Variants in LRP1B observed in about 807,000 individuals in gnomAD.
The protein encoded by LRP1B is LDL receptor related protein 1B.
Under a neutral mutation model 556.6 loss-of-function variants are expected in LRP1B, and 217 were observed. The observed-to-expected ratio is 0.39, with a 90% CI of 0.35 to 0.44. The LOEUF (loss-of-function observed/expected upper bound fraction) is 0.44, where lower values mean the gene tolerates loss of function less well. LRP1B is among the 20% of genes least tolerant of loss of function. LRP1B has a pLI of 1.00. For missense variants in LRP1B, 5,053 were observed against 5,620.8 expected (o/e 0.90, Z 3.23); for synonymous variants, 2,047 against 1,865.8 (o/e 1.10, Z -2.50).
chr2:140,694,400 G>T (rs551278345), intron 41 of LRP1B, among the ~76,000 whole-genome samples: 1 of 152,240 alleles, frequency 6.6e-6, no homozygotes, highest in South Asian at 2.1e-4. Context: ...GTAGTCTGAA[G>T]ATTTTACTCT....
chr2:141,639,835 C>T (rs759363883), intron 2 of LRP1B, among the ~76,000 whole-genome samples: 18 of 152,120 alleles, frequency 1.2e-4, no homozygotes, highest in Middle Eastern at 3.4e-3. Flanking sequence ...ATGTGTTTTA[C>T]GATATTTCTG....
intron 43 of LRP1B, among the ~76,000 whole-genome samples, chr2:140,563,884 T>A (rs971137574): frequency 2.0e-5 from 3 of 152,174 alleles, no homozygotes; most frequent in Admixed American, 1.3e-4. Context: ...TGGATTGAAG[T>A]AGATGGACAG....
chr2:140,399,176 C>CACACACACACACACACA (rs377687105), intron 66 of LRP1B, among the ~76,000 whole-genome samples: 34 of 151,828 alleles, frequency 2.2e-4, no homozygotes, highest in African/African-American at 8.0e-4. Context: ...CACACACACA[C>CACACACACACACACACA]ACACACACAC....
intron 6 of LRP1B, among the ~76,000 whole-genome samples, chr2:141,193,205 C>A (rs1234407156): frequency 6.6e-6 from 1 of 151,968 alleles, no homozygotes; most frequent in Non-Finnish European, 1.5e-5. Flanking sequence ...GCAGAACTAC[C>A]ATTTAACCCA....
chr2:142,012,547 G>T (rs899039573), intron 1 of LRP1B, among the ~76,000 whole-genome samples: 2 of 151,980 alleles, frequency 1.3e-5, no homozygotes, highest in Admixed American at 1.3e-4. Flanking sequence ...GCCTGTTTCA[G>T]CACCATAAGT....
intron 1 of LRP1B, among the ~76,000 whole-genome samples, chr2:141,820,519 C>T (rs1202896160): frequency 6.6e-6 from 1 of 151,994 alleles, no homozygotes; most frequent in Non-Finnish European, 1.5e-5. Context: ...TATGATAAAC[C>T]CATCCTGAAA....
rs1207978319 is a variant in LRP1B at position 140,314,919 on chromosome 2, A to G, written c.12805+16T>C. On this transcript the variant is annotated intron_variant, in intron 83 of 90. Coordinates refer to ENST00000389484, the MANE Select transcript of LRP1B (RefSeq NM_018557.3). ...AGTGAAAAAGATGTGAAATACAATG[A>G]CAATGAAATATTTACCTAGAACTGA... 4 of 1,550,416 alleles carry G rather than the reference A, an allele frequency of 2.6e-6. No homozygotes were observed. The highest frequency in any genetic ancestry group is 3.5e-6 in the Non-Finnish European group (4 of 1,147,484).
rs144575678 is a variant in LRP1B, at chr2:140,335,958, T to C, written c.11893-120A>G. The C allele has an allele frequency of 1.3e-4, 88 of 660,480 alleles. No individual in the cohort carries two copies. The African/African-American group carries it at 1.5e-3, about 11-fold the overall frequency. The allele number at this position is 660,480 out of a possible 1,614,324, so 40.9% of individuals were successfully genotyped here. A position where few individuals can be genotyped will look rare whatever the true frequency, so the allele number is the denominator to read the frequency against. ...GAACATAGTCATGAGTTAATTGCTA[T>C]ATAGATGTCAAAAAGATATTTAATG... is the stretch of plus-strand genomic sequence containing the variant. On this transcript the variant is annotated intron_variant, in intron 77 of 90. Coordinates refer to ENST00000389484, the MANE Select transcript of LRP1B (RefSeq NM_018557.3).
At chr2:141,223,479 T>C (rs1683122932) in intron 6 of LRP1B, among the ~76,000 whole-genome samples, 1 of 152,210 alleles carries the variant, frequency 6.6e-6, no homozygotes, top group African/African-American at 2.4e-5. Flanking sequence ...ATAGATTCCA[T>C]GCTATTCCCA....
intron 77 of LRP1B, among the ~76,000 whole-genome samples, chr2:140,338,642 T>C (rs899474266): frequency 3.4e-4 from 52 of 151,724 alleles, no homozygotes; most frequent in African/African-American, 1.3e-3. Context: ...GAAACCCCTG[T>C]TGGATCTTCA....
At chr2:141,709,493 G>A (rs1415781759) in intron 2 of LRP1B, among the ~76,000 whole-genome samples, 3 of 152,094 alleles carry the variant, frequency 2.0e-5, no homozygotes, top group African/African-American at 7.2e-5. Context: ...AGATACCGAG[G>A]AAGTACTAAT....
chr2:141,687,975 T>C (rs1691371707), intron 2 of LRP1B, among the ~76,000 whole-genome samples: 3 of 150,788 alleles, frequency 2.0e-5, no homozygotes, highest in Admixed American at 6.7e-5. Context: ...AATTCCAATT[T>C]TTTAATCTTT....
At chr2:140,868,821 G>A (rs1235834062) in intron 25 of LRP1B, among the ~76,000 whole-genome samples, 1 of 152,052 alleles carries the variant, frequency 6.6e-6, no homozygotes, top group Non-Finnish European at 1.5e-5. Context: ...GGCCTTTGGT[G>A]GCTTTTAAGT....
chr2:140,629,964 A>G (rs1683819697), intron 41 of LRP1B, among the ~76,000 whole-genome samples: 1 of 152,256 alleles, frequency 6.6e-6, no homozygotes. Flanking sequence ...AGAAATATGG[A>G]TGATTTCAAC....
At chr2:141,890,180 G>A (rs530870800) in intron 1 of LRP1B, among the ~76,000 whole-genome samples, 18 of 151,600 alleles carry the variant, frequency 1.2e-4, no homozygotes, top group Middle Eastern at 3.4e-3. Flanking sequence ...CATAATTCAT[G>A]GCATTTACAG....
chr2:141,640,917 T>C (rs1689306921), intron 2 of LRP1B, among the ~76,000 whole-genome samples: 1 of 151,980 alleles, frequency 6.6e-6, no homozygotes, highest in Non-Finnish European at 1.5e-5. Flanking sequence ...AGAATGAGAG[T>C]GTTTTTGTGG....
chr2:142,018,706 C>T (rs1319076700), intron 1 of LRP1B, among the ~76,000 whole-genome samples: 1 of 151,624 alleles, frequency 6.6e-6, no homozygotes, highest in Non-Finnish European at 1.5e-5. Context: ...TGCCCATGTC[C>T]ATATAGATTA....
At chr2:140,629,117 CATT>C (rs1438129377) in intron 41 of LRP1B, among the ~76,000 whole-genome samples, 1 of 152,026 alleles carries the variant, frequency 6.6e-6, no homozygotes, top group Non-Finnish European at 1.5e-5. Flanking sequence ...GCAGTGGCGC[CATT>C]TTGGCTCACT....
chr2:140,584,899 G>GT (rs1047112190), intron 43 of LRP1B, among the ~76,000 whole-genome samples: 5 of 151,200 alleles, frequency 3.3e-5, no homozygotes, highest in African/African-American at 1.2e-4. Context: ...TAAGCTCTTT[G>GT]TTTTTTTCAT....
Sources: allele counts gnomAD v4.1 joint callset (sites outside exome capture counted in the v4.1 genomes callset), GRCh38; gene constraint gnomAD v4.1.1; transcripts MANE v1.5; gene names NCBI Gene and HGNC (gene_info 2026-07-23, HGNC 2026-07-21).